SLC7A14: variants seen among roughly 807,000 people sequenced by gnomAD.
The protein encoded by SLC7A14 is gamma-aminobutyric acid transporter SLC7A14.
Under a neutral mutation model 60.2 loss-of-function variants are expected in SLC7A14, and 37 were observed. The observed-to-expected ratio is 0.61, with a 90% CI of 0.47 to 0.81. The LOEUF (loss-of-function observed/expected upper bound fraction) is 0.81, where lower values mean the gene tolerates loss of function less well. Among genes scored for constraint, SLC7A14 ranks in the 30% least tolerant of loss-of-function variants. The pLI, the probability that SLC7A14 is intolerant of heterozygous loss-of-function variation, is 0.00. For synonymous variants in SLC7A14, 399 were observed against 395.8 expected (o/e 1.01, Z -0.10); for missense variants, 886 against 982.7 (o/e 0.90, Z 1.32).
At chr3:170,553,551 T>C (rs1156858946) in intron 1 of SLC7A14, among the ~76,000 whole-genome samples, 1 of 152,184 alleles carries the variant, frequency 6.6e-6, no homozygotes, top group African/African-American at 2.4e-5. Flanking sequence ...GGGGCAAAGC[T>C]TTTTTGTCCA....
rs377214874 is a variant in SLC7A14, at chr3:170,498,899, C to T, written c.542-15G>A. ...TTCACCTTTCCCTAGAGAGGAAAGA[C>T]ATGATTTGACATTGTCTGGAGGGAA... On this transcript the variant is annotated splice_polypyrimidine_tract_variant and intron_variant, in intron 3 of 7. Transcript: ENST00000231706. 17 of 1,612,502 alleles carry T rather than the reference C, an allele frequency of 1.1e-5. No individual in the cohort carries two copies. The highest frequency in any genetic ancestry group is 1.4e-5 in the Non-Finnish European group (17 of 1,178,706).
chr3:170,476,056 G>A (rs891677496), intron 7 of SLC7A14, among the ~76,000 whole-genome samples: 12 of 152,182 alleles, frequency 7.9e-5, no homozygotes, highest in African/African-American at 2.9e-4. Context: ...CATTGATGCT[G>A]CTGGTCTGGG....
At chr3:170,528,895 G>A (rs1713591241) in intron 1 of SLC7A14, among the ~76,000 whole-genome samples, 1 of 152,008 alleles carries the variant, frequency 6.6e-6, no homozygotes, top group Non-Finnish European at 1.5e-5. Context: ...ATGAATCCAC[G>A]TGTCTATTTA....
intron 1 of SLC7A14, among the ~76,000 whole-genome samples, chr3:170,573,937 C>T (rs560458586): frequency 2.0e-5 from 3 of 152,206 alleles, no homozygotes; most frequent in Admixed American, 6.5e-5. Flanking sequence ...GAAGCATCTT[C>T]TATTGTATGT....
At chr3:170,517,302 T>C (rs564558655) in intron 2 of SLC7A14, among the ~76,000 whole-genome samples, 1 of 152,326 alleles carries the variant, frequency 6.6e-6, no homozygotes, top group South Asian at 2.1e-4. Context: ...CAGCTAGTCT[T>C]TCAGAGATTT....
chr3:170,573,380 G>T (rs1322144480), intron 1 of SLC7A14, among the ~76,000 whole-genome samples: 1 of 152,208 alleles, frequency 6.6e-6, no homozygotes, highest in Non-Finnish European at 1.5e-5. Flanking sequence ...CATCTGTACA[G>T]TTCATCCACA....
intron 1 of SLC7A14, among the ~76,000 whole-genome samples, chr3:170,573,866 C>G (rs116026002): frequency 0.023 from 3,455 of 152,262 alleles, 145 homozygotes; most frequent in African/African-American, 0.079. Flanking sequence ...TTATCTTTGA[C>G]CACTCATTTG....
intron 1 of SLC7A14, among the ~76,000 whole-genome samples, chr3:170,583,176 C>T (rs574678024): frequency 6.6e-6 from 1 of 152,020 alleles, no homozygotes; most frequent in Admixed American, 6.6e-5. Context: ...GGGAATAGGT[C>T]ATAGAAGAGG....
At chr3:170,583,593 A>G (rs1484046083) in intron 1 of SLC7A14, among the ~76,000 whole-genome samples, 1 of 152,230 alleles carries the variant, frequency 6.6e-6, no homozygotes, top group Non-Finnish European at 1.5e-5. Context: ...TTTGGTTTCC[A>G]AGTTTTCTTT....
At chr3:170,488,922 G>T (rs1212071516) in intron 4 of SLC7A14, among the ~76,000 whole-genome samples, 2 of 151,968 alleles carry the variant, frequency 1.3e-5, no homozygotes, top group Non-Finnish European at 2.9e-5. Flanking sequence ...CTATATCTTA[G>T]GGAACTCATT....
At chr3:170,508,986 A>G (rs1396483073) in intron 2 of SLC7A14, among the ~76,000 whole-genome samples, 1 of 152,190 alleles carries the variant, frequency 6.6e-6, no homozygotes, top group East Asian at 1.9e-4. Context: ...GCCCTGTCAT[A>G]TGCGGCTGGA....
At chr3:170,562,026 C>G (rs1349423935) in intron 1 of SLC7A14, among the ~76,000 whole-genome samples, 1 of 152,188 alleles carries the variant, frequency 6.6e-6, no homozygotes, top group African/African-American at 2.4e-5. Flanking sequence ...AAAGGAAACA[C>G]TTTTACACTG....
At chr3:170,529,829 C>T (rs542856927) in intron 1 of SLC7A14, among the ~76,000 whole-genome samples, 1 of 152,244 alleles carries the variant, frequency 6.6e-6, no homozygotes, top group East Asian at 1.9e-4. Context: ...AATTTGTAAA[C>T]AAAGTCACAC....
chr3:170,544,674 A>G (rs1041745016), intron 1 of SLC7A14, among the ~76,000 whole-genome samples: 11 of 152,244 alleles, frequency 7.2e-5, no homozygotes, highest in African/African-American at 2.7e-4. Context: ...CTGAATGTGT[A>G]TCATGTCTGC....
intron 1 of SLC7A14, chr3:170,570,075 C>T (rs1714904212): frequency 6.6e-6 from 1 of 152,102 alleles, no homozygotes; most frequent in African/African-American, 2.4e-5. Flanking sequence ...AATGACTGAT[C>T]TCCTCTTGAT....
chr3:170,476,493 G>C (rs1381359489), intron 7 of SLC7A14, among the ~76,000 whole-genome samples: 2 of 152,194 alleles, frequency 1.3e-5, no homozygotes, highest in Non-Finnish European at 2.9e-5. Flanking sequence ...AGTTTCTGGA[G>C]GGAGTTTGGA....
chr3:170,495,537 A>G (rs568882586), intron 4 of SLC7A14: 17 of 741,586 alleles, frequency 2.3e-5, no homozygotes, highest in South Asian at 2.0e-4. Flanking sequence ...TGGTGCCCAC[A>G]TCAGCTCTTC....
chr3:170,560,359 G>A (rs553826060), intron 1 of SLC7A14, among the ~76,000 whole-genome samples: 11 of 152,176 alleles, frequency 7.2e-5, no homozygotes, highest in Admixed American at 7.2e-4. Context: ...CAAAAGATTA[G>A]TATAAATAAT....
At chr3:170,527,588 A>T (rs1713552539) in intron 1 of SLC7A14, among the ~76,000 whole-genome samples, 1 of 152,248 alleles carries the variant, frequency 6.6e-6, no homozygotes, top group Non-Finnish European at 1.5e-5. Context: ...TAACATAAAA[A>T]TGTAAAATTA....
Sources: allele counts gnomAD v4.1 joint callset (sites outside exome capture counted in the v4.1 genomes callset), GRCh38; gene constraint gnomAD v4.1.1; transcripts MANE v1.5; gene names NCBI Gene and HGNC (gene_info 2026-07-23, HGNC 2026-07-21).